The following GLDC variants were observed in gnomAD, a reference collection of about 807,000 sequenced individuals.
GLDC encodes the protein glycine decarboxylase.
A neutral mutation model predicts 121.3 loss-of-function variants in GLDC; 104 were observed. The ratio of observed to expected loss-of-function variants is 0.86; its 90% CI spans 0.73 to 1.01. GLDC has a LOEUF of 1.01. Ranked by LOEUF, GLDC falls within the 50% of genes least tolerant of loss-of-function variation. The pLI, the probability that GLDC is intolerant of heterozygous loss-of-function variation, is 0.00. For synonymous variants in GLDC, 546 were observed against 480.6 expected, an observed-to-expected ratio of 1.14 and a Z score of -1.78; for missense variants, 1,429 against 1,306.6, an observed-to-expected ratio of 1.09 and a Z score of -1.44.
chr9:6,621,931 G>A (rs66548202), intron 2 of GLDC, among the ~76,000 whole-genome samples: 3,951 of 152,228 alleles, frequency 0.026, 72 homozygotes, highest in Non-Finnish European at 0.042. Flanking sequence ...TAGGCAAATG[G>A]CTGTCTTCTT....
chr9:6,634,052 G>C (rs1057377792), intron 2 of GLDC, among the ~76,000 whole-genome samples: 1 of 151,552 alleles, frequency 6.6e-6, no homozygotes, highest in African/African-American at 2.4e-5. Flanking sequence ...GGATGGTCTC[G>C]ATCTCCTGAT....
intron 11 of GLDC, among the ~76,000 whole-genome samples, chr9:6,590,666 T>C (rs1818358534): frequency 6.6e-6 from 1 of 152,218 alleles, no homozygotes; most frequent in Non-Finnish European, 1.5e-5. Flanking sequence ...AATAAAGCTA[T>C]TTTATTTATA....
intron 16 of GLDC, among the ~76,000 whole-genome samples, chr9:6,563,939 T>C (rs1457922283): frequency 6.6e-6 from 1 of 150,996 alleles, no homozygotes; most frequent in Non-Finnish European, 1.5e-5. Flanking sequence ...AAGGCTGCAG[T>C]GAGCTATGAA....
intron 3 of GLDC, among the ~76,000 whole-genome samples, chr9:6,614,923 G>A (rs1034612057): frequency 3.3e-5 from 5 of 152,158 alleles, no homozygotes. Context: ...TACAACAATG[G>A]TTAAGTATTT....
intron 2 of GLDC, among the ~76,000 whole-genome samples, chr9:6,641,410 G>T (rs75329964): frequency 2.0e-5 from 3 of 152,332 alleles, no homozygotes; most frequent in Non-Finnish European, 4.4e-5. Flanking sequence ...GTGCACATCT[G>T]TAAACTGGAT....
chr9:6,608,226 A>C (rs557550075), intron 4 of GLDC, among the ~76,000 whole-genome samples: 58 of 150,782 alleles, frequency 3.8e-4, no homozygotes, highest in African/African-American at 1.4e-3. Context: ...CTCCTGGCTA[A>C]CAGGGTGAAA....
intron 3 of GLDC, 41 bp downstream of exon 3, chr9:6,620,143 A>G: frequency 2.5e-6 from 4 of 1,599,318 alleles, no homozygotes; most frequent in Non-Finnish European, 3.4e-6. Flanking sequence ...AGAATTATGC[A>G]AATCACAGTC....
At chr9:6,559,428 T>C (rs778934350) in intron 16 of GLDC, among the ~76,000 whole-genome samples, 2 of 149,124 alleles carry the variant, frequency 1.3e-5, no homozygotes, top group South Asian at 2.1e-4. Context: ...GGCAGGAGAA[T>C]TGGTTTAAAC....
At chr9:6,546,235 C>T (rs568444166) in intron 21 of GLDC, among the ~76,000 whole-genome samples, 13 of 152,010 alleles carry the variant, frequency 8.6e-5, no homozygotes, top group Non-Finnish European at 1.2e-4. Context: ...CTCTGTCACC[C>T]AGGCTGGAGT....
At position 6,644,050 on chromosome 9, in the gene GLDC, A is replaced by AAAAAAAAAAAAC. The variant is rs55988287; in HGVS notation, c.334+563_334+564insGTTTTTTTTTTT. Among the ~76,000 whole-genome samples the AAAAAAAAAAAAC allele has an allele frequency of 1.6e-3, 146 of 92,722 alleles. 12 individuals are homozygous for AAAAAAAAAAAAC. The highest frequency in any genetic ancestry group is 3.9e-3 in the African/African-American group (81 of 20,938). 60.8% of individuals were successfully genotyped at this position (92,722 alleles called of 152,430 possible). On this transcript the variant is annotated intron_variant, in intron 2 of 24. Coordinates refer to ENST00000321612, the MANE Select transcript of GLDC (RefSeq NM_000170.3). ...GTCTCAAAAAAAAAAAAAAAAAAAAACGAAAAAAAAAAGAAAAGAAAAGAA... is the reference window on the plus strand; with the variant it reads ...GTCTCAAAAAAAAAAAAAAAAAAAAAAAAAAAAAAAACCGAAAAAAAAAAGAAAAGAAAAGAA...
intron 15 of GLDC, among the ~76,000 whole-genome samples, chr9:6,574,087 C>T (rs1373704479): frequency 1.3e-5 from 2 of 152,214 alleles, no homozygotes; most frequent in South Asian, 2.1e-4. Context: ...TTAACCTTTG[C>T]TATCTAGTCA....
intron 9 of GLDC, among the ~76,000 whole-genome samples, chr9:6,594,775 A>G (rs200326257): frequency 1.3e-5 from 2 of 151,276 alleles, no homozygotes; most frequent in African/African-American, 4.9e-5. Flanking sequence ...AAGCAAGAAA[A>G]AAAGAAAGAA....
intron 15 of GLDC, among the ~76,000 whole-genome samples, chr9:6,570,234 C>G (rs1214305201): frequency 6.6e-6 from 1 of 152,070 alleles, no homozygotes; most frequent in African/African-American, 2.4e-5. Flanking sequence ...TTTGTGTTCT[C>G]AAATAGAATG....
intron 1 of GLDC, 173 bp from the exon 2 acceptor site, chr9:6,644,865 G>A: frequency 1.5e-6 from 1 of 654,802 alleles, no homozygotes; most frequent in Non-Finnish European, 2.7e-6. Context: ...AAAGAAAATC[G>A]TGAAGTGGGG....
intron 4 of GLDC, among the ~76,000 whole-genome samples, 195 bp from the exon 5 acceptor site, chr9:6,606,864 G>C (rs555789972): frequency 6.6e-6 from 1 of 152,130 alleles, no homozygotes; most frequent in African/African-American, 2.4e-5. Context: ...CCTGAGGTCA[G>C]GAGTTCGAGA....
intron 3 of GLDC, among the ~76,000 whole-genome samples, chr9:6,619,280 C>G (rs1819032055): frequency 2.0e-5 from 3 of 151,090 alleles, no homozygotes; most frequent in Non-Finnish European, 1.5e-5. Flanking sequence ...AAGAGCCTGT[C>G]TACAGAATGC....
At chr9:6,570,682 C>T (rs1817943844) in intron 15 of GLDC, among the ~76,000 whole-genome samples, 1 of 151,946 alleles carries the variant, frequency 6.6e-6, no homozygotes, top group Admixed American at 6.6e-5. Context: ...GGCGAAACTT[C>T]GTCTCTACTA....
At chr9:6,638,061 A>T (rs570896547) in intron 2 of GLDC, among the ~76,000 whole-genome samples, 3 of 152,170 alleles carry the variant, frequency 2.0e-5, no homozygotes, top group Admixed American at 6.5e-5. Flanking sequence ...ATATCCCCCA[A>T]ATAATTGATA....
Position 6,534,646 on chromosome 9 carries a change from C to T in GLDC, c.2919+62G>A, listed in dbSNP as rs549621048. On this transcript the variant is annotated intron_variant, in intron 24 of 24. Coordinates refer to ENST00000321612, the MANE Select transcript of GLDC (RefSeq NM_000170.3). ...TAATCATGAGGCTAAGAGCGTACACCCGTCAGGATAGGAGCTGGCCCATGC... is the reference window on the plus strand; with the variant it reads ...TAATCATGAGGCTAAGAGCGTACACTCGTCAGGATAGGAGCTGGCCCATGC... 2.9e-4 allele frequency: 245 copies of T among 831,196 alleles called. 1 individual carries two copies. The African/African-American group carries it at 3.4e-3, about 12-fold the overall frequency. The allele number at this position is 831,196 out of a possible 1,614,324, so 51.5% of individuals were successfully genotyped here. A position where few individuals can be genotyped will look rare whatever the true frequency, so the allele number is the denominator to read the frequency against.
Sources: allele counts gnomAD v4.1 joint callset (sites outside exome capture counted in the v4.1 genomes callset), GRCh38; gene constraint gnomAD v4.1.1; transcripts MANE v1.5; gene names NCBI Gene and HGNC (gene_info 2026-07-23, HGNC 2026-07-21).